The following BCOR variants were observed in gnomAD, a reference collection of about 807,000 sequenced individuals.
BCOR encodes BCL6 corepressor.
A neutral mutation model predicts 86.7 loss-of-function variants in BCOR; 10 were observed. The ratio of observed to expected loss-of-function variants is 0.12; its 90% CI spans 0.07 to 0.20. BCOR has a LOEUF of 0.20. Ranked by LOEUF, BCOR falls within the 10% of genes least tolerant of loss-of-function variation. BCOR has a pLI of 1.00. For synonymous variants in BCOR, 611 were observed against 609.0 expected (o/e 1.00, Z -0.05); for missense variants, 1,259 against 1,452.1 (o/e 0.87, Z 2.16).
chrX:40,153,527 G>T lies in BCOR; in HGVS notation c.-41+23480C>A, dbSNP rs1345357858. On this transcript the variant is annotated intron_variant, in intron 1 of 14. Coordinates refer to the BCOR transcript ENST00000342274. ...TCACTTAACCTTTCCTGCATCCAAG[G>T]AAGGGGAGGGCACCCAGACTCTGCC... Among the ~76,000 whole-genome samples, 3 of 111,924 alleles carry T rather than the reference G, an allele frequency of 2.7e-5. No individual in the cohort carries two copies. The East Asian group carries it at 8.5e-4, about 32-fold the overall frequency.
chrX:40,121,140 G>A (rs896252552), intron 1 of BCOR, among the ~76,000 whole-genome samples: 4 of 111,577 alleles, frequency 3.6e-5, no homozygotes, highest in Non-Finnish European at 5.7e-5. Flanking sequence ...CAGCCAGAGC[G>A]AGGGTGCTCC....
intron 1 of BCOR, among the ~76,000 whole-genome samples, chrX:40,081,150 AGAG>A (rs1261863183): frequency 9.0e-6 from 1 of 111,497 alleles, no homozygotes; most frequent in Admixed American, 9.5e-5. Context: ...CCAAAGATGG[AGAG>A]GAGTGGAAAG....
intron 1 of BCOR, among the ~76,000 whole-genome samples, chrX:40,106,960 G>A (rs1937200880): frequency 9.0e-6 from 1 of 110,690 alleles, no homozygotes; most frequent in Non-Finnish European, 1.9e-5. Flanking sequence ...CAGAGACTGT[G>A]ACCAGGGGTG....
At chrX:40,170,283 A>T (rs1040397708) in intron 1 of BCOR, among the ~76,000 whole-genome samples, 14 of 111,599 alleles carry the variant, frequency 1.3e-4, no homozygotes, top group African/African-American at 4.6e-4. Context: ...TCTTCTGCAG[A>T]CTAACAGAAG....
intron 1 of BCOR, among the ~76,000 whole-genome samples, chrX:40,153,296 A>G (rs963598236): frequency 8.9e-6 from 1 of 112,554 alleles, no homozygotes; most frequent in Non-Finnish European, 1.9e-5. Flanking sequence ...GGAAGCAAAG[A>G]CCCAGGGGGC....
At chrX:40,053,677 A>G (rs1358758135) in intron 14 of BCOR, among the ~76,000 whole-genome samples, 2 of 111,481 alleles carry the variant, frequency 1.8e-5, no homozygotes, top group African/African-American at 3.3e-5. Context: ...GCAGGTTTAT[A>G]CCATGCTGTG....
Position 40,073,597 on chromosome X carries a change from G to A in BCOR, c.1749C>T (p.Thr583=), listed in dbSNP as rs1242127473. The A allele has an allele frequency of 1.7e-6, 2 of 1,211,186 alleles. No homozygotes were observed. Among genetic ancestry groups the A allele is most frequent in the Non-Finnish European group, 1.1e-6 (1 of 895,531 alleles). Residue 583 remains threonine, a synonymous_variant, in exon 4 of 15, where the codon ACC becomes ACT. Transcript: ENST00000378444. ...APNANADGTK[T]SRSSVETTPS... ...GTGTGGTTTCTACAGAGCTCCTGCTGGTTTTGGTGCCATCTGCATTGGCAT... is the reference window on the plus strand; with the variant it reads ...GTGTGGTTTCTACAGAGCTCCTGCTAGTTTTGGTGCCATCTGCATTGGCAT...
At chrX:40,160,659 CTTTTTTTTTT>C (rs145716696) in intron 1 of BCOR, among the ~76,000 whole-genome samples, 1 of 81,318 alleles carries the variant, frequency 1.2e-5, no homozygotes, top group Non-Finnish European at 2.4e-5. Context: ...TGATCCTCTA[CTTTTTTTTTT>C]TTTTTTTTTT....
chrX:40,131,172 C>T (rs1041986696), intron 1 of BCOR, among the ~76,000 whole-genome samples: 2 of 112,163 alleles, frequency 1.8e-5, no homozygotes, highest in African/African-American at 6.5e-5. Flanking sequence ...CAGTACTCAG[C>T]CAGGTGTTCC....
chrX:40,140,702 T>A (rs1294769211), intron 1 of BCOR, among the ~76,000 whole-genome samples: 1 of 112,553 alleles, frequency 8.9e-6, no homozygotes, highest in East Asian at 2.8e-4. Context: ...CAAGAGAGGC[T>A]TGAACGAATG....
rs375312850 is a variant in BCOR at position 40,054,287 on chromosome X, G to A, written c.4788C>T (p.Gly1596=). Reference sequence around the variant, plus strand: ...CAGAGCTGCCATAGAAGTCCCAAGTGCCACTGGCGTCATCATCATTGCGAC... The same window carrying A: ...CAGAGCTGCCATAGAAGTCCCAAGTACCACTGGCGTCATCATCATTGCGAC... ...LQGRNDDDAS[G]TWDFYGSSVC... Residue 1596 remains glycine, a synonymous_variant, in exon 13 of 15, where the codon GGC becomes GGT. Coordinates refer to ENST00000378444, the MANE Select transcript of BCOR (RefSeq NM_001123385.2). The A allele has an allele frequency of 1.7e-6, 2 of 1,207,375 alleles. No individual in the cohort carries two copies. Among genetic ancestry groups the A allele is most frequent in the African/African-American group, 3.5e-5 (2 of 56,975 alleles).
chrX:40,148,524 G>A lies in BCOR; in HGVS notation c.-41+28483C>T, dbSNP rs1157830561. Among the ~76,000 whole-genome samples the A allele has an allele frequency of 2.7e-5, 3 of 111,017 alleles. No homozygotes were observed. In the East Asian group the frequency reaches 8.5e-4, roughly 32 times the overall value. ...CAGGAAGCCTGAGAGATCAAGCAGA[G>A]GTGGCCGAGGAAACAGAAGAGAGGG... On this transcript the variant is annotated intron_variant, in intron 1 of 14. Transcript: ENST00000342274.
chrX:40,084,344 G>A (rs1049900733), intron 1 of BCOR, among the ~76,000 whole-genome samples: 3 of 112,037 alleles, frequency 2.7e-5, no homozygotes, highest in Non-Finnish European at 5.7e-5. Context: ...CCACCCCACC[G>A]GCTTTTTGTT....
Position 40,072,358 on chromosome X carries a change from C to T in BCOR, c.2988G>A (p.Arg996=). ...ADSSQLSREQ[R]ALQMEGLQED... is the part of the protein sequence containing the mutation. Reference sequence around the variant, plus strand: ...AGGTGGGGGGGCTCACCTGCAATGCCCGTTGCTCCCGGCTGAGCTGACTGG... The same window carrying T: ...AGGTGGGGGGGCTCACCTGCAATGCTCGTTGCTCCCGGCTGAGCTGACTGG... Residue 996 remains arginine (R), a synonymous_variant, in exon 4 of 15, where the codon CGG becomes CGA. Transcript: ENST00000378444. 8.3e-7 allele frequency: 1 copy of T among 1,208,515 alleles called. No individual in the cohort carries two copies. Among genetic ancestry groups the T allele is most frequent in the South Asian group, 1.8e-5 (1 of 56,383 alleles).
At chrX:40,084,732 G>A (rs1447081698) in intron 1 of BCOR, among the ~76,000 whole-genome samples, 1 of 103,818 alleles carries the variant, frequency 9.6e-6, no homozygotes, top group African/African-American at 3.7e-5. Context: ...ACCACCGAAG[G>A]GAACAAGCTA....
intron 1 of BCOR, among the ~76,000 whole-genome samples, chrX:40,174,586 A>G (rs1002297096): frequency 8.9e-6 from 1 of 112,945 alleles, no homozygotes; most frequent in Non-Finnish European, 1.9e-5. Flanking sequence ...GCCAAAACGC[A>G]GAACCATCTA....
chrX:40,088,285 T>TC (rs1281994308), intron 1 of BCOR, among the ~76,000 whole-genome samples: 29 of 112,770 alleles, frequency 2.6e-4, no homozygotes, highest in African/African-American at 8.1e-4. Context: ...GCGCATCTTG[T>TC]CCATACACTA....
intron 10 of BCOR, among the ~76,000 whole-genome samples, chrX:40,060,474 G>A (rs890397436): frequency 3.6e-5 from 4 of 112,346 alleles, no homozygotes; most frequent in Non-Finnish European, 7.5e-5. Context: ...AGGGTCTCTT[G>A]AAGCTCTGGG....
At chrX:40,176,433 G>C (rs1282708930) in intron 1 of BCOR, among the ~76,000 whole-genome samples, 1 of 112,464 alleles carries the variant, frequency 8.9e-6, no homozygotes, top group Non-Finnish European at 1.9e-5. Flanking sequence ...ACGCAGGCGG[G>C]GATGGCGGTT....
Sources: allele counts gnomAD v4.1 joint callset (sites outside exome capture counted in the v4.1 genomes callset), GRCh38; gene constraint gnomAD v4.1.1; transcripts MANE v1.5; gene names NCBI Gene and HGNC (gene_info 2026-07-23, HGNC 2026-07-21).